SHQ1: variants seen among roughly 807,000 people sequenced by gnomAD.
SHQ1 encodes the protein SHQ1, H/ACA ribonucleoprotein assembly factor.
A neutral mutation model predicts 53.8 loss-of-function variants in SHQ1; 49 were observed. The ratio of observed to expected loss-of-function variants is 0.91; its 90% CI spans 0.72 to 1.16. The LOEUF (loss-of-function observed/expected upper bound fraction) is 1.16, where lower values mean the gene tolerates loss of function less well. Ranked by LOEUF, SHQ1 falls within the 50% of genes most tolerant of loss-of-function variation. The probability of loss-of-function intolerance (pLI) is 0.00; values close to 1 mark genes in which losing one functional copy is unlikely to be tolerated. For synonymous variants in SHQ1, 243 were observed against 251.0 expected (o/e 0.97, Z 0.30); for missense variants, 738 against 683.1 (o/e 1.08, Z -0.90).
At chr3:72,825,361 T>TAC (rs61048915) in intron 5 of SHQ1, among the ~76,000 whole-genome samples, 16,668 of 141,854 alleles carry the variant, frequency 0.12, 976 homozygotes, top group Middle Eastern at 0.17. Context: ...TAAAAGGGGC[T>TAC]ACACACACAC....
chr3:72,782,204 G>A (rs886611406), intron 10 of SHQ1, among the ~76,000 whole-genome samples: 1 of 152,096 alleles, frequency 6.6e-6, no homozygotes, highest in Non-Finnish European at 1.5e-5. Flanking sequence ...CTTCCATAAT[G>A]CCACACTAAA....
chr3:72,823,012 G>A (rs923886299), intron 6 of SHQ1, among the ~76,000 whole-genome samples: 2 of 152,046 alleles, frequency 1.3e-5, no homozygotes, highest in African/African-American at 2.4e-5. Flanking sequence ...AGCCAGGCGC[G>A]GTGGCCGGTG....
At chr3:72,810,743 C>CA (rs1223873525) in intron 9 of SHQ1, among the ~76,000 whole-genome samples, 1 of 152,166 alleles carries the variant, frequency 6.6e-6, no homozygotes, top group Non-Finnish European at 1.5e-5. Flanking sequence ...TCCACCTGTA[C>CA]AAAGACAGGT....
At chr3:72,801,645 C>G (rs542380468) in intron 9 of SHQ1, among the ~76,000 whole-genome samples, 78 of 152,158 alleles carry the variant, frequency 5.1e-4, no homozygotes, top group Non-Finnish European at 1.0e-3. Context: ...TTGAAACCCT[C>G]ACTGTGTTTC....
intron 10 of SHQ1, among the ~76,000 whole-genome samples, chr3:72,758,305 G>T (rs1211010083): frequency 1.3e-5 from 2 of 152,172 alleles, no homozygotes; most frequent in African/African-American, 4.8e-5. Context: ...ACACAAGGAA[G>T]GCTGCAAGCT....
intron 10 of SHQ1, among the ~76,000 whole-genome samples, chr3:72,751,269 G>C (rs892937728): frequency 6.6e-6 from 1 of 151,784 alleles, no homozygotes; most frequent in African/African-American, 2.4e-5. Context: ...AAAATTAGCT[G>C]GGCACAGTGG....
chr3:72,809,087 G>C (rs1707040242), intron 9 of SHQ1, among the ~76,000 whole-genome samples: 2 of 151,226 alleles, frequency 1.3e-5, no homozygotes, highest in Non-Finnish European at 2.9e-5. Context: ...TTTAACCGTA[G>C]ATACCAACTG....
chr3:72,782,369 C>G (rs1234681907), intron 10 of SHQ1, among the ~76,000 whole-genome samples: 1 of 152,092 alleles, frequency 6.6e-6, no homozygotes, highest in African/African-American at 2.4e-5. Flanking sequence ...CAAGAATAAT[C>G]AATGAAAAAA....
the SHQ1 span, among the ~76,000 whole-genome samples, chr3:72,732,323 C>T: frequency 2.7e-5 from 4 of 150,202 alleles, no homozygotes; most frequent in Admixed American, 2.7e-4. Context: ...CACCCTGGAC[C>T]TTCAGTCATG....
At chr3:72,739,585 T>C in the SHQ1 span, among the ~76,000 whole-genome samples, 2 of 152,188 alleles carry the variant, frequency 1.3e-5, no homozygotes. Flanking sequence ...TTCTGTATAC[T>C]GGAGACAGTA....
intron 10 of SHQ1, among the ~76,000 whole-genome samples, chr3:72,788,139 G>A (rs933713190): frequency 1.4e-4 from 21 of 151,870 alleles, no homozygotes; most frequent in African/African-American, 4.6e-4. Context: ...CCGCCACCCC[G>A]TCTAGTAAGT....
the SHQ1 span, among the ~76,000 whole-genome samples, chr3:72,742,290 C>A: frequency 1.2e-3 from 183 of 151,832 alleles, no homozygotes; most frequent in Non-Finnish European, 2.1e-3. Flanking sequence ...TGAGGAAGCA[C>A]CTAGAGGATC....
chr3:72,846,988 A>G (rs780726926), intron 1 of SHQ1, among the ~76,000 whole-genome samples: 10 of 152,144 alleles, frequency 6.6e-5, no homozygotes, highest in Non-Finnish European at 8.8e-5. Context: ...TTTATAAAAC[A>G]TGGGCCCTTT....
chr3:72,748,329 C>CAAAAAAA (rs572927520), downstream of SHQ1, among the ~76,000 whole-genome samples: 95 of 58,782 alleles, frequency 1.6e-3, 17 homozygotes, highest in East Asian at 0.011. Flanking sequence ...ATGAGGCATG[C>CAAAAAAA]AAAAAAAAAA....
At chr3:72,753,517 C>T (rs1027411496) in intron 10 of SHQ1, 18 of 985,364 alleles carry the variant, frequency 1.8e-5, no homozygotes, top group Non-Finnish European at 1.9e-5. Context: ...GTAATCAGGC[C>T]ACAGAAGCAC....
At chr3:72,737,511 A>G in the SHQ1 span, among the ~76,000 whole-genome samples, 5 of 152,170 alleles carry the variant, frequency 3.3e-5, no homozygotes, top group South Asian at 6.2e-4. Flanking sequence ...CTGTCCCTCA[A>G]TATCTGCAAG....
chr3:72,772,944 G>A (rs1127494), intron 10 of SHQ1: 128 of 936,528 alleles, frequency 1.4e-4, no homozygotes, highest in Non-Finnish European at 1.8e-4. Context: ...ATGAAGAATC[G>A]GAAGAAAAAC....
chr3:72,768,950 T>C (rs1705790221), intron 10 of SHQ1, among the ~76,000 whole-genome samples: 1 of 152,242 alleles, frequency 6.6e-6, no homozygotes, highest in Non-Finnish European at 1.5e-5. Flanking sequence ...GGCCAGTATT[T>C]GCTGGGCATT....
chr3:72,758,284 C>T (rs1484886231), intron 10 of SHQ1, among the ~76,000 whole-genome samples: 3 of 152,144 alleles, frequency 2.0e-5, no homozygotes, highest in East Asian at 1.9e-4. Flanking sequence ...GAACAAGAAA[C>T]GACTAACTTA....
Sources: gnomAD v4.1 joint callset for allele counts (sites outside exome capture counted in the v4.1 genomes callset) on GRCh38, gnomAD v4.1.1 for gene constraint, MANE v1.5 for transcripts, NCBI Gene and HGNC (gene_info 2026-07-23, HGNC 2026-07-21) for gene names.